The following FTO variants were observed in gnomAD, a reference collection of about 807,000 sequenced individuals.
FTO encodes the protein FTO alpha-ketoglutarate dependent dioxygenase, also known as alpha-ketoglutarate-dependent dioxygenase FTO.
A neutral mutation model predicts 63.9 loss-of-function variants in FTO; 47 were observed. The ratio of observed to expected loss-of-function variants is 0.74; its 90% CI spans 0.58 to 0.94. The LOEUF (loss-of-function observed/expected upper bound fraction) is 0.94, where lower values mean the gene tolerates loss of function less well. Among genes scored for constraint, FTO ranks in the 40% least tolerant of loss-of-function variants. The probability of loss-of-function intolerance (pLI) is 0.00; values close to 1 mark genes in which losing one functional copy is unlikely to be tolerated. For missense variants in FTO, 562 were observed against 618.1 expected (o/e 0.91, Z 0.96); for synonymous variants, 207 against 224.4 (o/e 0.92, Z 0.69).
At chr16:53,843,933 A>T (rs2079545489) in intron 3 of FTO, among the ~76,000 whole-genome samples, 1 of 152,066 alleles carries the variant, frequency 6.6e-6, no homozygotes, top group Admixed American at 6.6e-5. Context: ...TATAGGCGTG[A>T]GCCTCTACAC....
At chr16:53,959,833 T>C (rs1365841947) in intron 8 of FTO, among the ~76,000 whole-genome samples, 1 of 151,912 alleles carries the variant, frequency 6.6e-6, no homozygotes, top group African/African-American at 2.4e-5. Context: ...ACAAGCTGGG[T>C]CCTGAAGGAG....
chr16:54,062,368 C>T (rs2085599421), intron 8 of FTO, among the ~76,000 whole-genome samples: 1 of 152,074 alleles, frequency 6.6e-6, no homozygotes, highest in Non-Finnish European at 1.5e-5. Flanking sequence ...GTGTGCTTGG[C>T]AGGGGGGTGC....
At chr16:54,104,504 G>T (rs1311876765) in intron 8 of FTO, among the ~76,000 whole-genome samples, 2 of 152,040 alleles carry the variant, frequency 1.3e-5, no homozygotes, top group African/African-American at 2.4e-5. Context: ...GTAGAGACAG[G>T]GTTTCACCAC....
chr16:53,912,192 A>G (rs2081727633), intron 7 of FTO, among the ~76,000 whole-genome samples: 1 of 148,800 alleles, frequency 6.7e-6, no homozygotes, highest in South Asian at 2.2e-4. Flanking sequence ...CAAATTGTTC[A>G]ATTTAGAGTA....
chr16:53,896,957 A>G (rs1165011975), intron 7 of FTO, among the ~76,000 whole-genome samples: 2 of 152,168 alleles, frequency 1.3e-5, no homozygotes, highest in Admixed American at 1.3e-4. Context: ...CCCAGTGCCA[A>G]AAAATGACTT....
At chr16:53,752,685 A>T (rs1320595768) in intron 1 of FTO, among the ~76,000 whole-genome samples, 2 of 152,210 alleles carry the variant, frequency 1.3e-5, no homozygotes, top group African/African-American at 4.8e-5. Context: ...ACCACTAATG[A>T]TGCAGCAATT....
intron 7 of FTO, among the ~76,000 whole-genome samples, chr16:53,927,420 C>G (rs2082171251): frequency 6.6e-6 from 1 of 152,058 alleles, no homozygotes. Context: ...AGGTGAAGGT[C>G]AAATCTTATG....
intron 8 of FTO, among the ~76,000 whole-genome samples, chr16:53,945,125 C>T (rs192932266): frequency 3.9e-5 from 6 of 152,296 alleles, no homozygotes; most frequent in African/African-American, 7.2e-5. Flanking sequence ...TGATCTCGAT[C>T]GCCCCAAAAG....
intron 8 of FTO, chr16:54,039,609 T>C (rs2085024549): frequency 6.6e-6 from 1 of 152,324 alleles, no homozygotes; most frequent in South Asian, 2.1e-4. Flanking sequence ...TAGAAAGACA[T>C]GGCCCCGCCC....
chr16:53,882,991 A>G (rs957545630), intron 6 of FTO, among the ~76,000 whole-genome samples: 1 of 152,134 alleles, frequency 6.6e-6, no homozygotes, highest in African/African-American at 2.4e-5. Context: ...CTCTCTTATT[A>G]GTCCCTGCTG....
chr16:53,919,584 T>A (rs2081961339), intron 7 of FTO, among the ~76,000 whole-genome samples: 2 of 152,142 alleles, frequency 1.3e-5, no homozygotes, highest in South Asian at 4.1e-4. Context: ...CAAATGCCCA[T>A]CAGCCAACAA....
chr16:53,755,379 G>A (rs1311880478), intron 1 of FTO, among the ~76,000 whole-genome samples: 1 of 152,106 alleles, frequency 6.6e-6, no homozygotes, highest in East Asian at 1.9e-4. Flanking sequence ...TCTCCCTCCT[G>A]AGGGAGAAAG....
chr16:54,023,837 A>G (rs4784346), intron 8 of FTO, among the ~76,000 whole-genome samples: 47,719 of 152,138 alleles, frequency 0.31, 8,013 homozygotes, highest in South Asian at 0.44. Context: ...TTTTACCTTG[A>G]AAGTTAATTT....
chr16:53,739,078 C>A (rs143052560), intron 1 of FTO, among the ~76,000 whole-genome samples: 1 of 152,192 alleles, frequency 6.6e-6, no homozygotes, highest in Non-Finnish European at 1.5e-5. Context: ...CCTCCAGCCT[C>A]GGCTGCCCAA....
At chr16:54,007,323 A>G (rs1294660624) in intron 8 of FTO, among the ~76,000 whole-genome samples, 2 of 152,168 alleles carry the variant, frequency 1.3e-5, no homozygotes, top group Admixed American at 1.3e-4. Flanking sequence ...AATAAAAGAA[A>G]AAACAAAAAA....
chr16:53,755,515 G>A (rs983058589), intron 1 of FTO, among the ~76,000 whole-genome samples: 1 of 152,144 alleles, frequency 6.6e-6, no homozygotes, highest in Admixed American at 6.6e-5. Flanking sequence ...GGAGCACTTG[G>A]AAGTTTCTTA....
At chr16:53,880,937 T>TA (rs34062544) in intron 6 of FTO, among the ~76,000 whole-genome samples, 24,659 of 67,612 alleles carry the variant, frequency 0.36, 5,833 homozygotes, top group East Asian at 0.63. Flanking sequence ...CCGTCTCTAC[T>TA]AAAAAAAAAA....
chr16:53,782,877 C>T (rs1003612701), intron 1 of FTO, among the ~76,000 whole-genome samples: 1 of 152,120 alleles, frequency 6.6e-6, no homozygotes, highest in African/African-American at 2.4e-5. Context: ...AAATGTAAAC[C>T]CCATAAGAAC....
Position 54,084,784 on chromosome 16 carries a change from G to T in FTO, c.1365-26978G>T, listed in dbSNP as rs562877655. On this transcript the variant is annotated intron_variant, in intron 8 of 8. Transcript: ENST00000471389. ...CAGCTGAGATTTACAGAGGCCGGGC[G>T]GGGAGGGCTGCTGAGAGGGGGTAAT... Among the ~76,000 whole-genome samples, 6 of 152,290 alleles carry T rather than the reference G, an allele frequency of 3.9e-5. No individual in the cohort carries two copies. In the South Asian group the frequency reaches 8.3e-4, roughly 21 times the overall value.
Sources: gnomAD v4.1 joint callset for allele counts (sites outside exome capture counted in the v4.1 genomes callset) on GRCh38, gnomAD v4.1.1 for gene constraint, MANE v1.5 for transcripts, NCBI Gene and HGNC (gene_info 2026-07-23, HGNC 2026-07-21) for gene names.